ARHGAP44: variants seen among roughly 807,000 people sequenced by gnomAD.
The protein encoded by ARHGAP44 is rho GTPase-activating protein 44.
A neutral mutation model predicts 106.8 loss-of-function variants in ARHGAP44; 43 were observed. The ratio of observed to expected loss-of-function variants is 0.40; its 90% CI spans 0.32 to 0.52. The LOEUF is 0.52. Among genes scored for constraint, ARHGAP44 ranks in the 20% least tolerant of loss-of-function variants. The pLI is 0.48. For synonymous variants in ARHGAP44, 439 were observed against 410.3 expected (o/e 1.07, Z -0.85); for missense variants, 866 against 1,050.5 (o/e 0.82, Z 2.43).
intron 16 of ARHGAP44, among the ~76,000 whole-genome samples, chr17:12,960,632 C>T (rs2039239759): frequency 6.6e-6 from 1 of 152,012 alleles, no homozygotes; most frequent in Non-Finnish European, 1.5e-5. Context: ...GCAATCTTGG[C>T]TCACTGCAAC....
intron 1 of ARHGAP44, among the ~76,000 whole-genome samples, chr17:12,888,520 G>T (rs1227348781): frequency 1.3e-5 from 2 of 152,062 alleles, no homozygotes; most frequent in Admixed American, 6.6e-5. Context: ...GTCTATCTTG[G>T]TATATGTTCC....
chr17:12,816,092 T>A (rs1445976112), intron 1 of ARHGAP44, among the ~76,000 whole-genome samples: 1 of 152,092 alleles, frequency 6.6e-6, no homozygotes, highest in African/African-American at 2.4e-5. Flanking sequence ...ATGGTTGATT[T>A]GGAACAGTAC....
chr17:12,977,525 T>C (rs1415695618), intron 18 of ARHGAP44, among the ~76,000 whole-genome samples: 3 of 152,182 alleles, frequency 2.0e-5, no homozygotes, highest in Non-Finnish European at 2.9e-5. Context: ...GCATGAATGC[T>C]AACCCCAAAA....
intron 1 of ARHGAP44, among the ~76,000 whole-genome samples, chr17:12,856,255 G>A (rs1427922563): frequency 6.6e-6 from 1 of 152,072 alleles, no homozygotes; most frequent in African/African-American, 2.4e-5. Context: ...TAAAATCCCA[G>A]GGGAATCTAG....
intron 19 of ARHGAP44, among the ~76,000 whole-genome samples, chr17:12,983,530 C>T (rs1187717372): frequency 1.3e-5 from 2 of 152,142 alleles, no homozygotes; most frequent in Admixed American, 6.5e-5. Context: ...ATTGGCCGGG[C>T]GTGGTGGCTT....
At chr17:12,952,101 A>G (rs777607565) in intron 12 of ARHGAP44, among the ~76,000 whole-genome samples, 2 of 152,186 alleles carry the variant, frequency 1.3e-5, no homozygotes, top group Non-Finnish European at 2.9e-5. Flanking sequence ...GGAAACTCAA[A>G]AAGGACACAT....
intron 1 of ARHGAP44, among the ~76,000 whole-genome samples, chr17:12,825,478 T>C (rs1486851856): frequency 2.0e-5 from 3 of 151,354 alleles, no homozygotes; most frequent in African/African-American, 7.3e-5. Flanking sequence ...TTTTAAGGAG[T>C]TGGCTCATGT....
chr17:12,974,001 A>G (rs1181382430), intron 17 of ARHGAP44, 88 bp from the exon 18 acceptor site: 4 of 1,373,940 alleles, frequency 2.9e-6, no homozygotes, highest in Admixed American at 2.0e-5. Flanking sequence ...TCTTCTCCCA[A>G]CGCGGACCTG....
At chr17:12,915,149 G>A (rs536606469) in intron 4 of ARHGAP44, among the ~76,000 whole-genome samples, 53 of 152,244 alleles carry the variant, frequency 3.5e-4, no homozygotes, top group African/African-American at 1.1e-3. Context: ...AGTGATTCTC[G>A]TGCCTCAGCC....
chr17:12,919,879 C>G (rs1377051751), intron 6 of ARHGAP44, 48 bp downstream of exon 6: 5 of 1,530,364 alleles, frequency 3.3e-6, no homozygotes, highest in Non-Finnish European at 4.5e-6. Context: ...GGACAGTGAT[C>G]ATATTTTGGG....
At chr17:12,989,808 G>A (rs997146501) in intron 20 of ARHGAP44, among the ~76,000 whole-genome samples, 2 of 152,138 alleles carry the variant, frequency 1.3e-5, no homozygotes, top group Non-Finnish European at 2.9e-5. Context: ...CCACAGTGGC[G>A]TATCCTGGGT....
Position 12,803,861 on chromosome 17 carries a change from C to G in ARHGAP44, c.53+13970C>G, listed in dbSNP as rs139749300. On this transcript the variant is annotated intron_variant, in intron 1 of 20. Coordinates refer to ENST00000379672, the MANE Select transcript of ARHGAP44 (RefSeq NM_014859.6). ...GAAATACTGCATACTATAAATTTAT[C>G]TTAGAAATTTACAATCTATATTTGT... Among the ~76,000 whole-genome samples, 642 of 152,196 alleles carry G rather than the reference C, an allele frequency of 4.2e-3. 2 individuals carry two copies. Among genetic ancestry groups the G allele is most frequent in the African/African-American group, 0.014 (590 of 41,526 alleles).
chr17:12,862,793 G>A (rs1219046061), intron 1 of ARHGAP44, among the ~76,000 whole-genome samples: 6 of 152,034 alleles, frequency 3.9e-5, no homozygotes, highest in Admixed American at 1.3e-4. Context: ...CCAGGAGTTC[G>A]AGACCAGCCT....
At chr17:12,813,889 G>A (rs1392052877) in intron 1 of ARHGAP44, among the ~76,000 whole-genome samples, 1 of 152,174 alleles carries the variant, frequency 6.6e-6, no homozygotes, top group Admixed American at 6.5e-5. Flanking sequence ...GTGGAACTGG[G>A]ACACACGTAG....
chr17:12,968,848 C>A (rs2039457652), intron 16 of ARHGAP44, among the ~76,000 whole-genome samples: 1 of 151,534 alleles, frequency 6.6e-6, no homozygotes, highest in Admixed American at 6.6e-5. Context: ...CAGCTCACTG[C>A]AAGCTCCGCC....
At chr17:12,817,180 A>G (rs978232613) in intron 1 of ARHGAP44, among the ~76,000 whole-genome samples, 4 of 152,106 alleles carry the variant, frequency 2.6e-5, no homozygotes, top group Non-Finnish European at 5.9e-5. Flanking sequence ...GAAAAGAGGA[A>G]ATTTCATGGG....
intron 1 of ARHGAP44, among the ~76,000 whole-genome samples, chr17:12,855,019 G>A (rs927376380): frequency 1.4e-5 from 2 of 146,458 alleles, no homozygotes; most frequent in African/African-American, 5.0e-5. Context: ...GTCTGTATAT[G>A]TATATAGATA....
In ARHGAP44 at chr17:12,944,145, C is replaced by CACA; in HGVS notation, c.810_811insACA (p.Phe270_Pro271insThr). 6.2e-7 allele frequency: 1 copy of CACA among 1,612,682 alleles called. No individual in the cohort carries two copies. The highest frequency in any genetic ancestry group is 8.5e-7 in the Non-Finnish European group (1 of 1,179,786). ...CCATCAGCGGCCGGGAGATCGCCTT[C>CACA]CCCATCGAGGCGTGTGTGACCATGC... On this transcript the variant is annotated inframe_insertion, in exon 10 of 21. Coordinates refer to ENST00000379672, the MANE Select transcript of ARHGAP44 (RefSeq NM_014859.6).
intron 10 of ARHGAP44, among the ~76,000 whole-genome samples, chr17:12,946,799 T>TA (rs3076674): frequency 1.0e-4 from 15 of 147,900 alleles, no homozygotes; most frequent in South Asian, 2.1e-4. Context: ...AGACTCTATC[T>TA]AAAAAAAAAA....
Sources: allele counts gnomAD v4.1 joint callset (sites outside exome capture counted in the v4.1 genomes callset), GRCh38; gene constraint gnomAD v4.1.1; transcripts MANE v1.5; gene names NCBI Gene and HGNC (gene_info 2026-07-23, HGNC 2026-07-21).